Variants in MID1 observed in about 807,000 individuals in gnomAD.
MID1 encodes the protein midline 1.
In MID1, 7 loss-of-function variants were observed where a neutral mutation model predicts 40.4. The observed-to-expected ratio is 0.17, with a 90% CI of 0.10 to 0.33. The LOEUF (loss-of-function observed/expected upper bound fraction) is 0.33, where lower values mean the gene tolerates loss of function less well. Among genes scored for constraint, MID1 ranks in the 10% least tolerant of loss-of-function variants. The pLI is 1.00. For synonymous variants in MID1, 229 were observed against 221.2 expected (o/e 1.04, Z -0.31); for missense variants, 367 against 558.5 (o/e 0.66, Z 3.46).
chrX:10,554,389 C>A (rs1191389714), intron 2 of MID1, among the ~76,000 whole-genome samples: 1 of 112,098 alleles, frequency 8.9e-6, no homozygotes, highest in Non-Finnish European at 1.9e-5. Context: ...AGCATCTTGA[C>A]AGATTACTCC....
At chrX:10,766,222 C>T (rs1337081293) in intron 1 of MID1, among the ~76,000 whole-genome samples, 3 of 111,600 alleles carry the variant, frequency 2.7e-5, no homozygotes, top group Non-Finnish European at 5.6e-5. Flanking sequence ...TCAAGCTCAC[C>T]AGGAGCAAAA....
chrX:10,800,604 G>A (rs902836316), intron 1 of MID1, among the ~76,000 whole-genome samples: 3 of 112,060 alleles, frequency 2.7e-5, no homozygotes, highest in African/African-American at 9.7e-5. Flanking sequence ...GTAGCCACCA[G>A]TGTGAGACCC....
rs923995697 is a variant in MID1, at chrX:10,488,937, A to G, written c.865-6309T>C. Among the ~76,000 whole-genome samples the G allele has an allele frequency of 9.6e-4, 106 of 110,830 alleles. 1 individual carries two copies. The highest frequency in any genetic ancestry group is 3.3e-3 in the African/African-American group (100 of 30,387). On this transcript the variant is annotated intron_variant, in intron 4 of 9. Transcript: ENST00000317552. ...AGACGGCCTATTGTGGGACTTTGTG[A>G]TTGTGTAAGTTAATACTTAATAAAC...
intron 1 of MID1, among the ~76,000 whole-genome samples, chrX:10,770,898 G>A (rs1453525466): frequency 9.0e-6 from 1 of 110,737 alleles, no homozygotes; most frequent in Non-Finnish European, 1.9e-5. Flanking sequence ...GAGGTCAGGA[G>A]GTCGAGACCA....
chrX:10,783,432 G>T, intron 1 of MID1, among the ~76,000 whole-genome samples: 1 of 110,519 alleles, frequency 9.0e-6, no homozygotes, highest in East Asian at 2.8e-4. Flanking sequence ...TTCTCTTATA[G>T]AACTTATTAT....
intron 1 of MID1, among the ~76,000 whole-genome samples, chrX:10,720,126 AC>A (rs2043339256): frequency 8.9e-6 from 1 of 112,034 alleles, no homozygotes; most frequent in Admixed American, 9.5e-5. Flanking sequence ...ACCATTCAGG[AC>A]ATAGGCATGG....
chrX:10,621,981 TAATGTCTCCAGACATTACCA>T (rs1177662656), upstream of MID1, among the ~76,000 whole-genome samples: 2 of 103,385 alleles, frequency 1.9e-5, no homozygotes, highest in African/African-American at 7.1e-5. Context: ...TGATGACCAA[TAATGTCTCCAGACATTACCA>T]AATGTCTCCT....
chrX:10,543,486 A>G (rs751786034), intron 2 of MID1, among the ~76,000 whole-genome samples: 2 of 111,266 alleles, frequency 1.8e-5, no homozygotes, highest in Non-Finnish European at 3.8e-5. Flanking sequence ...TGCATATTCT[A>G]TCTCTAGTCC....
chrX:10,771,760 G>A (rs944048894), intron 1 of MID1, among the ~76,000 whole-genome samples: 1 of 105,496 alleles, frequency 9.5e-6, no homozygotes, highest in African/African-American at 3.5e-5. Context: ...CCGCCTGCCT[G>A]GGCCTCCCAA....
intron 1 of MID1, among the ~76,000 whole-genome samples, chrX:10,811,685 G>A (rs1269224015): frequency 8.9e-6 from 1 of 111,836 alleles, no homozygotes; most frequent in Non-Finnish European, 1.9e-5. Context: ...TGAGTGGTGA[G>A]AAATATGGCT....
At chrX:10,809,200 G>A (rs2147151186) in intron 1 of MID1, among the ~76,000 whole-genome samples, 1 of 112,119 alleles carries the variant, frequency 8.9e-6, no homozygotes, top group Admixed American at 9.4e-5. Flanking sequence ...CTGGCCATCA[G>A]AGAAATGCAA....
At chrX:10,662,835 C>G (rs780468681) in intron 1 of MID1, among the ~76,000 whole-genome samples, 1 of 110,705 alleles carries the variant, frequency 9.0e-6, no homozygotes, top group Non-Finnish European at 1.9e-5. Context: ...CAGTCTTACA[C>G]GGCATGTGAA....
intron 1 of MID1, among the ~76,000 whole-genome samples, chrX:10,751,912 A>T (rs1398435784): frequency 9.0e-6 from 1 of 110,933 alleles, no homozygotes; most frequent in East Asian, 2.8e-4. Context: ...GTGATAAGTG[A>T]CTCCTTGCTC....
At position 10,608,589 on chromosome X, in the gene MID1, A is replaced by G. The variant is rs1254496254; in HGVS notation, c.-57+11701T>C. On this transcript the variant is annotated intron_variant, in intron 1 of 9. Coordinates refer to ENST00000317552, the MANE Select transcript of MID1 (RefSeq NM_000381.4). ...GTTTCTGGGGGTTAGGGATGGGGTA[A>G]GGGGTGGGTAAAGGGTGCAGACTGC... Among the ~76,000 whole-genome samples, 3 of 111,315 alleles carry G rather than the reference A, an allele frequency of 2.7e-5. No individual in the cohort carries two copies. The East Asian group carries it at 8.4e-4, about 31-fold the overall frequency.
intron 1 of MID1, among the ~76,000 whole-genome samples, chrX:10,582,496 C>G (rs1569115239): frequency 1.8e-5 from 2 of 112,076 alleles, no homozygotes. Flanking sequence ...ATCAGATCAT[C>G]ACTGGACTTT....
At chrX:10,601,859 T>C (rs916692503) in intron 1 of MID1, among the ~76,000 whole-genome samples, 12 of 110,558 alleles carry the variant, frequency 1.1e-4, no homozygotes, top group Non-Finnish European at 1.5e-4. Flanking sequence ...TTGTTCCCTT[T>C]GGCGAAATGG....
chrX:10,702,087 A>C (rs747028194), intron 1 of MID1, among the ~76,000 whole-genome samples: 3 of 112,890 alleles, frequency 2.7e-5, no homozygotes, highest in Non-Finnish European at 5.6e-5. Context: ...AATGCAAAGA[A>C]TATTTCTATC....
At chrX:10,525,307 C>T (rs976072889) in intron 2 of MID1, among the ~76,000 whole-genome samples, 2 of 111,898 alleles carry the variant, frequency 1.8e-5, no homozygotes, top group East Asian at 2.8e-4. Context: ...ATCCTATTGA[C>T]TGATTTTAAA....
At chrX:10,744,281 T>C (rs1310802816) in intron 1 of MID1, among the ~76,000 whole-genome samples, 1 of 112,192 alleles carries the variant, frequency 8.9e-6, no homozygotes, top group Non-Finnish European at 1.9e-5. Flanking sequence ...GAGATGGTGC[T>C]ACAGGTGCCC....
Sources: gnomAD v4.1 joint callset for allele counts (sites outside exome capture counted in the v4.1 genomes callset) on GRCh38, gnomAD v4.1.1 for gene constraint, MANE v1.5 for transcripts, NCBI Gene and HGNC (gene_info 2026-07-23, HGNC 2026-07-21) for gene names.